The following ERBB4 variants were observed in gnomAD, a reference collection of about 807,000 sequenced individuals.
The protein encoded by ERBB4 is receptor tyrosine-protein kinase erbB-4.
In ERBB4, 42 loss-of-function variants were observed where a neutral mutation model predicts 158.0. That is an observed-to-expected ratio of 0.27 (90% CI 0.21 to 0.34). ERBB4 has a LOEUF of 0.34. Among genes scored for constraint, ERBB4 ranks in the 10% least tolerant of loss-of-function variants. The pLI is 1.00. For synonymous variants in ERBB4, 583 were observed against 558.7 expected, an observed-to-expected ratio of 1.04 and a Z score of -0.61; for missense variants, 1,333 against 1,624.1, an observed-to-expected ratio of 0.82 and a Z score of 3.08.
chr2:211,784,640 TATG>T (rs1181604997), intron 4 of ERBB4, among the ~76,000 whole-genome samples: 1 of 152,232 alleles, frequency 6.6e-6, no homozygotes, highest in Non-Finnish European at 1.5e-5. Flanking sequence ...TGCTGTGTCA[TATG>T]ATAATTCTAT....
chr2:212,269,424 T>C (rs1286300710), intron 1 of ERBB4, among the ~76,000 whole-genome samples: 2 of 151,742 alleles, frequency 1.3e-5, no homozygotes, highest in Non-Finnish European at 2.9e-5. Context: ...TATTCATGTG[T>C]GGGGAAAGCC....
chr2:211,838,421 C>T (rs1575223069), intron 3 of ERBB4, among the ~76,000 whole-genome samples: 1 of 152,146 alleles, frequency 6.6e-6, no homozygotes. Flanking sequence ...TACAGCTTTA[C>T]CTTTAAAATG....
chr2:211,903,105 GTCTCTTTCCC>G (rs1382156253), intron 3 of ERBB4, among the ~76,000 whole-genome samples: 1 of 151,142 alleles, frequency 6.6e-6, no homozygotes, highest in African/African-American at 2.4e-5. Flanking sequence ...CTTAAAATAA[GTCTCTTTCCC>G]TCCACATTTG....
At chr2:211,411,452 C>T (rs1200605712) in intron 25 of ERBB4, among the ~76,000 whole-genome samples, 2 of 152,166 alleles carry the variant, frequency 1.3e-5, no homozygotes, top group African/African-American at 2.4e-5. Flanking sequence ...TGCAATTTGA[C>T]ATTATGTCCT....
intron 2 of ERBB4, among the ~76,000 whole-genome samples, chr2:212,020,337 T>G (rs2076621663): frequency 6.6e-6 from 1 of 152,086 alleles, no homozygotes; most frequent in Non-Finnish European, 1.5e-5. Context: ...GTTCAAAAAA[T>G]AATTAAATGA....
intron 1 of ERBB4, among the ~76,000 whole-genome samples, chr2:212,321,979 T>TA (rs1252451283): frequency 6.7e-6 from 1 of 150,278 alleles, no homozygotes; most frequent in Admixed American, 6.6e-5. Flanking sequence ...ATATAATTAA[T>TA]AGAGAATAAT....
intron 1 of ERBB4, among the ~76,000 whole-genome samples, chr2:212,250,225 G>A (rs1344584156): frequency 6.6e-6 from 1 of 151,622 alleles, no homozygotes. Flanking sequence ...ATTTGTTATG[G>A]GTTTCTATTT....
chr2:212,063,144 A>C (rs1451128287), intron 2 of ERBB4, among the ~76,000 whole-genome samples: 1 of 152,188 alleles, frequency 6.6e-6, no homozygotes, highest in Non-Finnish European at 1.5e-5. Flanking sequence ...TTTTGCATCC[A>C]AACCAGGAAG....
At chr2:212,373,930 CATATATATCCATATATATATCAT>C (rs1560146736) in intron 1 of ERBB4, among the ~76,000 whole-genome samples, 4 of 63,418 alleles carry the variant, frequency 6.3e-5, no homozygotes, top group East Asian at 2.6e-4. Context: ...TATATATATC[CATATATATCCATATATATATCAT>C]ATATATATCC....
intron 3 of ERBB4, among the ~76,000 whole-genome samples, chr2:211,927,824 T>C (rs919547679): frequency 7.2e-5 from 11 of 152,092 alleles, no homozygotes; most frequent in Admixed American, 3.9e-4. Flanking sequence ...TAAAATATTA[T>C]ACTTACGAGG....
chr2:211,853,978 A>C (rs971024279), intron 3 of ERBB4, among the ~76,000 whole-genome samples: 6 of 152,114 alleles, frequency 3.9e-5, no homozygotes, highest in South Asian at 2.1e-4. Context: ...CATTCTTAAC[A>C]ATATGAACCT....
chr2:211,387,175 G>C (rs1444392740), intron 26 of ERBB4, 25 bp from the exon 27 acceptor site: 1 of 1,545,948 alleles, frequency 6.5e-7, no homozygotes, highest in East Asian at 2.2e-5. Flanking sequence ...AACATATGTG[G>C]AGAGAAGGCG....
intron 3 of ERBB4, among the ~76,000 whole-genome samples, chr2:211,842,152 G>C (rs1433966260): frequency 6.6e-6 from 1 of 151,810 alleles, no homozygotes; most frequent in Non-Finnish European, 1.5e-5. Context: ...ATTAAAACAA[G>C]GTGATTTGAA....
intron 1 of ERBB4, among the ~76,000 whole-genome samples, chr2:212,137,028 GT>G (rs2080292856): frequency 6.6e-6 from 1 of 151,840 alleles, no homozygotes; most frequent in South Asian, 2.1e-4. Flanking sequence ...ATTTTAAATT[GT>G]TTTCCTGTGC....
rs1410063206 is a variant in ERBB4 at position 212,529,207 on chromosome 2, T to TAAATTGATTAA, written c.82+9241_82+9242insTTAATCAATTT. ...ACACACTGGTGGATCAGTACATGCT[T>TAAATTGATTAA]ATTGCTTAAATTGATTAAATGTTTA... On this transcript the variant is annotated intron_variant, in intron 1 of 27. Transcript: ENST00000342788. Among the ~76,000 whole-genome samples the TAAATTGATTAA allele has an allele frequency of 9.2e-5, 14 of 152,300 alleles. No homozygotes were observed. The East Asian group carries it at 2.7e-3, about 29-fold the overall frequency.
chr2:211,548,370 T>C (rs1483799919), intron 20 of ERBB4, among the ~76,000 whole-genome samples: 1 of 150,326 alleles, frequency 6.7e-6, no homozygotes, highest in Non-Finnish European at 1.5e-5. Context: ...GGAGATAAAC[T>C]AAAAACACAA....
intron 2 of ERBB4, among the ~76,000 whole-genome samples, chr2:212,068,674 G>A (rs2078014662): frequency 6.6e-6 from 1 of 151,898 alleles, no homozygotes; most frequent in Non-Finnish European, 1.5e-5. Context: ...AGACTAATAC[G>A]CTCTTTGTTC....
chr2:211,793,628 T>C (rs1364948551), intron 3 of ERBB4, among the ~76,000 whole-genome samples: 2 of 151,912 alleles, frequency 1.3e-5, no homozygotes, highest in Non-Finnish European at 2.9e-5. Flanking sequence ...ACAAGTCTGT[T>C]GGCAGATAAT....
At chr2:211,760,447 T>G (rs780076910) in intron 4 of ERBB4, among the ~76,000 whole-genome samples, 2 of 152,198 alleles carry the variant, frequency 1.3e-5, no homozygotes, top group Non-Finnish European at 2.9e-5. Flanking sequence ...GAATAATCAT[T>G]CAGATTTAGG....
Sources: gnomAD v4.1 joint callset for allele counts (sites outside exome capture counted in the v4.1 genomes callset) on GRCh38, gnomAD v4.1.1 for gene constraint, MANE v1.5 for transcripts, NCBI Gene and HGNC (gene_info 2026-07-23, HGNC 2026-07-21) for gene names.